ALMS1: variants seen among roughly 807,000 people sequenced by gnomAD.
ALMS1 encodes the protein centrosome-associated protein ALMS1.
ALMS1 carries 271 observed loss-of-function variants against 352.2 expected under a neutral mutation model. That is an observed-to-expected ratio of 0.77 (90% CI 0.70 to 0.85). ALMS1 has a LOEUF of 0.85. Ranked by LOEUF, ALMS1 falls within the 40% of genes least tolerant of loss-of-function variation. The pLI is 0.00. For missense variants in ALMS1, 5,445 were observed against 4,870.7 expected (o/e 1.12, Z -3.51); for synonymous variants, 1,865 against 1,761.2 (o/e 1.06, Z -1.48).
At chr2:73,394,824 TCTAA>T (rs1315637605) in intron 1 of ALMS1, among the ~76,000 whole-genome samples, 3 of 151,930 alleles carry the variant, frequency 2.0e-5, no homozygotes, top group East Asian at 1.9e-4. Flanking sequence ...GGCTATATAG[TCTAA>T]CTGTTTGCTC....
At chr2:73,506,862 CA>C (rs1673338697) in intron 10 of ALMS1, among the ~76,000 whole-genome samples, 1 of 152,236 alleles carries the variant, frequency 6.6e-6, no homozygotes, top group South Asian at 2.1e-4. Flanking sequence ...TGTCGGTTTT[CA>C]AAGGGAATGT....
intron 10 of ALMS1, among the ~76,000 whole-genome samples, chr2:73,508,227 G>A (rs1438574678): frequency 1.1e-5 from 1 of 94,494 alleles, no homozygotes; most frequent in African/African-American, 4.8e-5. Context: ...TTTTTTTTCC[G>A]AGTCTCACTC....
At position 73,448,626 on chromosome 2, in the gene ALMS1, G is replaced by T; in HGVS notation, c.2099G>T (p.Gly700Val). 1.9e-6 allele frequency: 3 copies of T among 1,612,730 alleles called. No individual in the cohort carries two copies. The highest frequency in any genetic ancestry group is 2.5e-6 in the Non-Finnish European group (3 of 1,179,568). The part of the protein sequence containing the change: ...DQALKVSAVS[G>V]PADQKTGTAT... ...GCTCTGAAAGTCTCAGCTGTGTCTG[G>T]ACCAGCTGACCAGAAGACTGGGACA... The change falls in exon 8 of 23, where the codon GGA (glycine) becomes GTA (valine). Residue 700 changes from glycine to valine, a missense_variant. By Grantham distance (109) the Gly-to-Val change is moderately radical (BLOSUM62 -3). Coordinates refer to ENST00000613296, the MANE Select transcript of ALMS1 (RefSeq NM_001378454.1).
intron 1 of ALMS1, among the ~76,000 whole-genome samples, chr2:73,402,474 A>C (rs1044846234): frequency 2.0e-5 from 3 of 151,570 alleles, no homozygotes; most frequent in African/African-American, 7.3e-5. Context: ...GGGTTTCGTC[A>C]TGTTGGCCAA....
At chr2:73,443,615 T>C (rs1671757771) in intron 7 of ALMS1, among the ~76,000 whole-genome samples, 1 of 152,196 alleles carries the variant, frequency 6.6e-6, no homozygotes, top group African/African-American at 2.4e-5. Context: ...CACAGGACTT[T>C]AAGCTCTTTG....
rs1671988338 is a variant in ALMS1 at position 73,453,301 on chromosome 2, T to G, written c.6774T>G (p.Thr2258=). 6.2e-7 allele frequency: 1 copy of G among 1,613,874 alleles called. No individual in the cohort carries two copies. The highest frequency in any genetic ancestry group is 8.5e-7 in the Non-Finnish European group (1 of 1,179,996). The part of the protein sequence containing the change: ...EIQDAENSAK[T]LKEIRTLLME... ...AGGATGCAGAAAATAGTGCTAAAAC[T>G]CTTAAGGAAATTCGGACACTTTTGA... Residue 2258 remains threonine (T), a synonymous_variant, in exon 8 of 23, where the codon ACT becomes ACG. Coordinates refer to ENST00000613296, the MANE Select transcript of ALMS1 (RefSeq NM_001378454.1).
At chr2:73,528,198 G>A (rs1385185746) in intron 11 of ALMS1, among the ~76,000 whole-genome samples, 1 of 152,128 alleles carries the variant, frequency 6.6e-6, no homozygotes, top group African/African-American at 2.4e-5. Context: ...TGATCCATGT[G>A]CTGAGAACAA....
In ALMS1 at chr2:73,453,807, C is replaced by T. The variant is rs775402610; in HGVS notation, c.7280C>T (p.Ser2427Leu). The change falls in exon 8 of 23, where the codon TCG becomes TTG. Residue 2427 changes from serine (S) to leucine (L), a missense_variant. Physicochemically the swap from Ser to Leu is moderately radical, Grantham distance 145. Coordinates refer to ENST00000613296, the MANE Select transcript of ALMS1 (RefSeq NM_001378454.1). The stretch of plus-strand genomic sequence containing the variant: ...GCCAGTGATGGAAATGGTTCCTGCT[C>T]GTGGGACAGTAATTTACCAGAGTCT... ...SDASDGNGSC[S>L]WDSNLPESLE... The T allele has an allele frequency of 1.5e-5, 24 of 1,613,960 alleles. No homozygotes were observed. The highest frequency in any genetic ancestry group is 6.7e-5 in the Admixed American group (4 of 59,976).
chr2:73,506,831 T>C (rs1328492982), intron 10 of ALMS1, among the ~76,000 whole-genome samples: 1 of 152,118 alleles, frequency 6.6e-6, no homozygotes, highest in Non-Finnish European at 1.5e-5. Context: ...ATAGCAGTGG[T>C]GAGAGGCCAT....
At chr2:73,574,379 G>A (rs1252242324) in intron 16 of ALMS1, among the ~76,000 whole-genome samples, 6 of 152,048 alleles carry the variant, frequency 3.9e-5, no homozygotes, top group African/African-American at 1.2e-4. Flanking sequence ...AGTATGGAAC[G>A]AAAAATATTT....
intron 1 of ALMS1, among the ~76,000 whole-genome samples, chr2:73,403,683 T>C (rs1572901882): frequency 6.6e-6 from 1 of 152,188 alleles, no homozygotes; most frequent in Non-Finnish European, 1.5e-5. Context: ...TTCTATTTAT[T>C]TGTGTCCTTA....
chr2:73,416,128 T>C (rs1276164668), intron 2 of ALMS1, among the ~76,000 whole-genome samples: 1 of 152,192 alleles, frequency 6.6e-6, no homozygotes, highest in African/African-American at 2.4e-5. Context: ...CCAGTGATTT[T>C]TGCTTTAGTG....
intron 9 of ALMS1, among the ~76,000 whole-genome samples, chr2:73,488,751 A>G (rs1672910292): frequency 6.6e-6 from 1 of 152,242 alleles, no homozygotes; most frequent in Non-Finnish European, 1.5e-5. Context: ...TTTATCTGAA[A>G]TCAGATGTTG....
chr2:73,539,303 A>T (rs959718405), intron 12 of ALMS1, among the ~76,000 whole-genome samples: 1 of 152,210 alleles, frequency 6.6e-6, no homozygotes. Context: ...GCAAACTCCA[A>T]CAGACCTGCA....
At chr2:73,579,884 T>C (rs764939197) in intron 16 of ALMS1, among the ~76,000 whole-genome samples, 5 of 152,174 alleles carry the variant, frequency 3.3e-5, no homozygotes, top group Admixed American at 6.5e-5. Flanking sequence ...TAAGAGTTCA[T>C]TGAGCTACTT....
chr2:73,553,658 CAT>C (rs1280423827), intron 13 of ALMS1, among the ~76,000 whole-genome samples: 6 of 152,124 alleles, frequency 3.9e-5, no homozygotes, highest in South Asian at 2.1e-4. Context: ...TATAAACAAT[CAT>C]ATGTAAATAC....
At chr2:73,601,023 C>A in intron 18 of ALMS1, 142 bp downstream of exon 18, 1 of 1,394,414 alleles carries the variant, frequency 7.2e-7, no homozygotes, top group Non-Finnish European at 9.8e-7. Flanking sequence ...CAGAGTCCAG[C>A]ATGGCAGTTA....
rs777080769 is a variant in ALMS1, at chr2:73,452,493, C to T, written c.5966C>T (p.Ser1989Leu). The T allele has an allele frequency of 1.2e-6, 2 of 1,614,060 alleles. No homozygotes were observed. Among genetic ancestry groups the T allele is most frequent in the Non-Finnish European group, 1.7e-6 (2 of 1,180,000 alleles). ...GIPIGLSSSY[S>L]HSHKEKLKIS... is the part of the protein sequence containing the mutation. ...CCAATAGGACTGTCTAGTTCCTACT[C>T]ACATTCACATAAAGAGAAACTCAAG... Residue 1989 changes from serine (S) to leucine (L), a missense_variant, in exon 8 of 23, where the codon TCA becomes TTA. Physicochemically the swap from Ser to Leu is moderately radical, Grantham distance 145. Transcript: ENST00000613296.
At chr2:73,488,672 G>A (rs114848007) in intron 9 of ALMS1, among the ~76,000 whole-genome samples, 5,682 of 152,310 alleles carry the variant, frequency 0.037, 150 homozygotes, top group Admixed American at 0.076. Flanking sequence ...CACTCCAGAT[G>A]GGATGCCGCT....
Sources: gnomAD v4.1 joint callset for allele counts (sites outside exome capture counted in the v4.1 genomes callset) on GRCh38, gnomAD v4.1.1 for gene constraint, MANE v1.5 for transcripts, NCBI Gene and HGNC (gene_info 2026-07-23, HGNC 2026-07-21) for gene names.